The following EML4 variants were observed in gnomAD, a reference collection of about 807,000 sequenced individuals.
EML4 encodes the protein EMAP like 4.
Under a neutral mutation model 129.0 loss-of-function variants are expected in EML4, and 72 were observed. That is an observed-to-expected ratio of 0.56 (90% CI 0.46 to 0.68). EML4 has a LOEUF of 0.68. Ranked by LOEUF, EML4 falls within the 30% of genes least tolerant of loss-of-function variation. EML4 has a pLI of 0.00. For synonymous variants in EML4, 532 were observed against 405.0 expected (o/e 1.31, Z -3.77); for missense variants, 1,363 against 1,190.6 (o/e 1.14, Z -2.13).
chr2:42,229,126 T>C (rs1258293985), intron 1 of EML4, among the ~76,000 whole-genome samples: 2 of 152,192 alleles, frequency 1.3e-5, no homozygotes, highest in East Asian at 3.8e-4. Context: ...TAAGGTGATC[T>C]AGGTGTGGGT....
chr2:42,238,796 G>A (rs1046593468), intron 1 of EML4, among the ~76,000 whole-genome samples: 3 of 152,048 alleles, frequency 2.0e-5, no homozygotes, highest in African/African-American at 7.2e-5. Flanking sequence ...TTATTTATTT[G>A]TTTTAAAGAC....
chr2:42,293,634 C>G (rs1328592188), intron 11 of EML4, among the ~76,000 whole-genome samples: 1 of 151,876 alleles, frequency 6.6e-6, no homozygotes, highest in Non-Finnish European at 1.5e-5. Flanking sequence ...CGTTTTGAGA[C>G]AGAGTTTCAC....
chr2:42,225,206 T>A (rs1202595962), intron 1 of EML4, among the ~76,000 whole-genome samples: 2 of 152,168 alleles, frequency 1.3e-5, no homozygotes, highest in Non-Finnish European at 2.9e-5. Flanking sequence ...TTAATAATAC[T>A]GCTATGAACA....
At chr2:42,172,031 C>A (rs13030612) in intron 1 of EML4, among the ~76,000 whole-genome samples, 1,734 of 152,060 alleles carry the variant, frequency 0.011, 17 homozygotes, top group Non-Finnish European at 0.018. Context: ...TAAAGGCAAG[C>A]ACTTCTACTC....
chr2:42,236,125 G>C (rs373887293), intron 1 of EML4, among the ~76,000 whole-genome samples: 1 of 151,828 alleles, frequency 6.6e-6, no homozygotes, highest in Non-Finnish European at 1.5e-5. Context: ...TCATTCCCTT[G>C]GTTTTTCAGT....
At chr2:42,301,430 C>G (rs1465612786) in intron 14 of EML4, 38 bp downstream of exon 14, 1 of 1,490,604 alleles carries the variant, frequency 6.7e-7, no homozygotes, top group Non-Finnish European at 9.1e-7. Flanking sequence ...ATTAAATACT[C>G]TAAACTCAGG....
intron 1 of EML4, among the ~76,000 whole-genome samples, chr2:42,207,645 G>A (rs550406720): frequency 4.6e-5 from 7 of 152,274 alleles, no homozygotes; most frequent in Admixed American, 1.3e-4. Flanking sequence ...TTTCCTGAAC[G>A]TAAGTGGTCT....
At chr2:42,316,667 C>A (rs555532326) in intron 18 of EML4, among the ~76,000 whole-genome samples, 1 of 152,336 alleles carries the variant, frequency 6.6e-6, no homozygotes, top group South Asian at 2.1e-4. Context: ...ATTCACACCA[C>A]TCTTCCCTGG....
chr2:42,206,029 G>T (rs1422579419), intron 1 of EML4, among the ~76,000 whole-genome samples: 1 of 151,902 alleles, frequency 6.6e-6, no homozygotes, highest in Non-Finnish European at 1.5e-5. Context: ...AGCACTTACT[G>T]CATTTATCAC....
chr2:42,257,563 C>T (rs769962228), intron 3 of EML4, among the ~76,000 whole-genome samples: 2 of 152,166 alleles, frequency 1.3e-5, no homozygotes, highest in African/African-American at 2.4e-5. Context: ...AGGCCGGGCA[C>T]GGTGGCTCAT....
chr2:42,171,698 C>T (rs1572819654), intron 1 of EML4, among the ~76,000 whole-genome samples: 1 of 152,104 alleles, frequency 6.6e-6, no homozygotes, highest in East Asian at 1.9e-4. Flanking sequence ...GGAGATATGC[C>T]TATCAGAGGA....
chr2:42,186,061 G>A (rs1354186392), intron 1 of EML4, among the ~76,000 whole-genome samples: 1 of 152,160 alleles, frequency 6.6e-6, no homozygotes, highest in Admixed American at 6.5e-5. Context: ...AACTGTAAGT[G>A]GGATAACTGG....
At chr2:42,236,003 TTACAA>T (rs1361806123) in intron 1 of EML4, among the ~76,000 whole-genome samples, 2 of 152,160 alleles carry the variant, frequency 1.3e-5, no homozygotes, top group Non-Finnish European at 2.9e-5. Flanking sequence ...CCCTAAAAAG[TTACAA>T]TACATGTTTT....
chr2:42,174,165 A>G (rs1268770608), intron 1 of EML4, among the ~76,000 whole-genome samples: 1 of 152,198 alleles, frequency 6.6e-6, no homozygotes, highest in Non-Finnish European at 1.5e-5. Context: ...TTCAATATTC[A>G]TAAGAAATTT....
intron 1 of EML4, among the ~76,000 whole-genome samples, chr2:42,241,980 C>G (rs1203206977): frequency 6.6e-6 from 1 of 152,104 alleles, no homozygotes; most frequent in Non-Finnish European, 1.5e-5. Context: ...TTGTGTCTCA[C>G]AGTGTCTATC....
chr2:42,187,269 GA>G (rs1671313277), intron 1 of EML4, among the ~76,000 whole-genome samples: 1 of 151,730 alleles, frequency 6.6e-6, no homozygotes, highest in African/African-American at 2.4e-5. Context: ...GGCTGGTCTT[GA>G]ACTCTGGGCT....
At chr2:42,221,612 G>T (rs1304251506) in intron 1 of EML4, among the ~76,000 whole-genome samples, 1 of 151,224 alleles carries the variant, frequency 6.6e-6, no homozygotes, top group African/African-American at 2.4e-5. Context: ...GTTTTGTTTT[G>T]TTTTGTTTTA....
chr2:42,262,073 G>A (rs778716569), intron 4 of EML4, among the ~76,000 whole-genome samples: 2 of 151,726 alleles, frequency 1.3e-5, no homozygotes, highest in African/African-American at 4.8e-5. Flanking sequence ...TTTTATCATC[G>A]TACTTCTGCT....
At chr2:42,173,681 T>A (rs920151144) in intron 1 of EML4, among the ~76,000 whole-genome samples, 6 of 151,976 alleles carry the variant, frequency 3.9e-5, no homozygotes, top group African/African-American at 1.5e-4. Context: ...AGACCCTGTC[T>A]CTGCAAAAAA....
Sources: allele counts gnomAD v4.1 joint callset (sites outside exome capture counted in the v4.1 genomes callset), GRCh38; gene constraint gnomAD v4.1.1; transcripts MANE v1.5; gene names NCBI Gene and HGNC (gene_info 2026-07-23, HGNC 2026-07-21).